CD84: variants seen among roughly 807,000 people sequenced by gnomAD.
CD84 encodes CD84 molecule.
In CD84, 22 loss-of-function variants were observed where a neutral mutation model predicts 33.8. That is an observed-to-expected ratio of 0.65 (90% confidence interval 0.46 to 0.93). The LOEUF is 0.93. CD84 is among the 40% of genes least tolerant of loss of function. CD84 has a pLI of 0.00. For synonymous variants in CD84, 154 were observed against 145.2 expected (o/e 1.06, Z -0.44); for missense variants, 400 against 397.6 (o/e 1.01, Z -0.05).
chr1:160,565,872 C>CTT lies in CD84; in HGVS notation c.47-129_47-128dup, dbSNP rs10629263. On this transcript the variant is annotated intron_variant, in intron 1 of 6. Coordinates refer to ENST00000368054, the MANE Select transcript of CD84 (RefSeq NM_003874.4). Reference sequence around the variant, plus strand: ...AGTTCACCCAGTTTCTTGAGGATGCCTTTTTTTTTTTTTGGCATTCTACTC... The same window carrying CTT: ...AGTTCACCCAGTTTCTTGAGGATGCCTTTTTTTTTTTTTTTGGCATTCTACTC... 7.9e-3 allele frequency: 4,602 copies of CTT among 586,220 alleles called. 143 individuals carry two copies. The African/African-American group carries it at 0.079, about 10-fold the overall frequency. 36.3% of individuals were successfully genotyped at this position (586,220 alleles called of 1,614,324 possible).
chr1:160,576,600 G>A (rs1411847076), intron 1 of CD84, among the ~76,000 whole-genome samples: 1 of 152,110 alleles, frequency 6.6e-6, no homozygotes, highest in African/African-American at 2.4e-5. Context: ...TTAATAGTAG[G>A]GAGAGTAATT....
chr1:160,549,031 C>T (rs553875038), intron 6 of CD84, among the ~76,000 whole-genome samples: 2 of 152,230 alleles, frequency 1.3e-5, no homozygotes, highest in African/African-American at 2.4e-5. Context: ...TCCTCCCCTT[C>T]TTTTTCTTTC....
rs1338319377 is a variant in CD84 at position 160,541,969 on chromosome 1, G to A, written c.*6287C>T. ...TGCCTGAGAGGAGCCATATAGAGAA[G>A]TTGGAATTGACAGGACCTATTCTCT... On this transcript the variant is annotated 3_prime_UTR_variant, in exon 7 of 7. Transcript: ENST00000368054. 1 of 152,238 alleles carries A rather than the reference G, an allele frequency of 6.6e-6. No individual in the cohort carries two copies. Among genetic ancestry groups the A allele is most frequent in the Non-Finnish European group, 1.5e-5 (1 of 68,052 alleles). The allele number at this position is 152,238 out of a possible 1,614,324, so 9.4% of individuals were successfully genotyped here.
At chr1:160,568,206 G>T (rs1657448708) in intron 1 of CD84, among the ~76,000 whole-genome samples, 1 of 152,160 alleles carries the variant, frequency 6.6e-6, no homozygotes, top group African/African-American at 2.4e-5. Flanking sequence ...TAGGTAGATT[G>T]TTAAGGCTGA....
At chr1:160,551,201 A>T in intron 4 of CD84, 166 bp from the exon 5 acceptor site, 1 of 626,364 alleles carries the variant, frequency 1.6e-6, no homozygotes, top group South Asian at 1.7e-5. Context: ...CTCAGGAGTC[A>T]CTTGGCTGAG....
At chr1:160,573,895 G>A (rs1657840138) in intron 1 of CD84, among the ~76,000 whole-genome samples, 1 of 151,956 alleles carries the variant, frequency 6.6e-6, no homozygotes, top group Admixed American at 6.6e-5. Flanking sequence ...ACACCAGCCT[G>A]GGAAACACAA....
intron 2 of CD84, among the ~76,000 whole-genome samples, chr1:160,562,107 G>A (rs1276777544): frequency 6.6e-6 from 1 of 152,186 alleles, no homozygotes; most frequent in Non-Finnish European, 1.5e-5. Flanking sequence ...AACATTCCAT[G>A]CTCATGGATA....
chr1:160,552,547 G>A (rs1656303813), intron 4 of CD84, among the ~76,000 whole-genome samples: 1 of 152,182 alleles, frequency 6.6e-6, no homozygotes, highest in Non-Finnish European at 1.5e-5. Context: ...GAAAATGGAA[G>A]CTTACAATGA....
intron 1 of CD84, among the ~76,000 whole-genome samples, chr1:160,577,183 T>A (rs2102216412): frequency 6.6e-6 from 1 of 152,324 alleles, no homozygotes; most frequent in Non-Finnish European, 1.5e-5. Flanking sequence ...CAGACTTTCC[T>A]TATGTCGGTG....
In CD84 at chr1:160,545,454, G is replaced by A. The variant is rs1655774191; in HGVS notation, c.*2802C>T. ...GAATTCCTCCATCCTTTATGACCAA[G>A]CCTCTTTCCTCCTTCCTGCACGTCT... On this transcript the variant is annotated 3_prime_UTR_variant, in exon 7 of 7. Coordinates refer to ENST00000368054, the MANE Select transcript of CD84 (RefSeq NM_003874.4). 2 of 152,042 alleles carry A rather than the reference G, an allele frequency of 1.3e-5. No homozygotes were observed. Among genetic ancestry groups the A allele is most frequent in the Non-Finnish European group, 2.9e-5 (2 of 68,058 alleles). 9.4% of individuals were successfully genotyped at this position (152,042 alleles called of 1,614,324 possible).
chr1:160,552,707 G>A (rs1436967153), intron 4 of CD84: 18 of 1,546,376 alleles, frequency 1.2e-5, no homozygotes, highest in Non-Finnish European at 1.6e-5. Flanking sequence ...GAACTTACAA[G>A]GGTTCTTAGT....
At position 160,550,920 on chromosome 1, in the gene CD84, T is replaced by A; in HGVS notation, c.858+18A>T. On this transcript the variant is annotated intron_variant, in intron 5 of 6. Coordinates refer to ENST00000368054, the MANE Select transcript of CD84 (RefSeq NM_003874.4). The stretch of plus-strand genomic sequence containing the variant: ...GGAGATGGTGGCACAGGGGTGTCCA[T>A]GAATTGCATCAGCTCACCTTGGACT... 1.2e-6 allele frequency: 2 copies of A among 1,611,102 alleles called. No individual in the cohort carries two copies. Among genetic ancestry groups the A allele is most frequent in the African/African-American group, 2.7e-5 (2 of 74,994 alleles).
chr1:160,562,677 G>A (rs1210336859), intron 2 of CD84, among the ~76,000 whole-genome samples: 1 of 152,074 alleles, frequency 6.6e-6, no homozygotes, highest in Non-Finnish European at 1.5e-5. Context: ...ATTTCATGAT[G>A]AAAATGTCAA....
intron 1 of CD84, among the ~76,000 whole-genome samples, chr1:160,575,325 C>A (rs747999736): frequency 2.0e-5 from 3 of 152,056 alleles, no homozygotes; most frequent in Admixed American, 6.6e-5. Flanking sequence ...CAGGGCTGGG[C>A]AGGCAGAAAT....
intron 1 of CD84, among the ~76,000 whole-genome samples, chr1:160,570,053 T>C (rs7512659): frequency 0.017 from 2,550 of 152,248 alleles, 87 homozygotes; most frequent in African/African-American, 0.058. Flanking sequence ...TTAGGGATAC[T>C]GTAGTCTTCT....
rs10527741 is a variant in CD84 at position 160,543,602 on chromosome 1, T to TTTATTATTATTATTATTATTATTATTA, written c.*4627_*4653dup. On this transcript the variant is annotated 3_prime_UTR_variant, in exon 7 of 7. Transcript: ENST00000368054. Reference sequence around the variant, plus strand: ...ATCTTCAAGGAGCTCTCCATTATTATTTATTATTATTATTATTATTATTAT... The same window carrying TTTATTATTATTATTATTATTATTATTA: ...ATCTTCAAGGAGCTCTCCATTATTATTTATTATTATTATTATTATTATTATTATTATTATTATTATTATTATTATTAT... 1 of 142,702 alleles carries TTTATTATTATTATTATTATTATTATTA rather than the reference T, an allele frequency of 7.0e-6. No individual in the cohort carries two copies. The highest frequency in any genetic ancestry group is 1.5e-5 in the Non-Finnish European group (1 of 65,994). The allele number at this position is 142,702 out of a possible 1,614,324, so 8.8% of individuals were successfully genotyped here.
chr1:160,551,710 A>G (rs1007562753), intron 4 of CD84, among the ~76,000 whole-genome samples: 1 of 152,002 alleles, frequency 6.6e-6, no homozygotes, highest in African/African-American at 2.4e-5. Flanking sequence ...CACCCAGCAA[A>G]TTTTTTGTAT....
In CD84 at chr1:160,553,457, C is replaced by T. The variant is rs1656380451; in HGVS notation, c.681G>A (p.Leu227=). 1.2e-6 allele frequency: 2 copies of T among 1,614,130 alleles called. No homozygotes were observed. The highest frequency in any genetic ancestry group is 1.7e-6 in the Non-Finnish European group (2 of 1,180,022). ...GCAGAAAGAACATAGCCAGCACGCT[C>T]AGCAACCCGGTGTGGTGAGTACGGA... ...MGFRTHHTGL[L]SVLAMFFLLV... is the part of the protein sequence containing the mutation. The change falls in exon 4 of 7, where the codon CTG becomes CTA. Residue 227 remains leucine, a synonymous_variant. Coordinates refer to ENST00000368054, the MANE Select transcript of CD84 (RefSeq NM_003874.4).
chr1:160,577,303 A>G (rs1658040048), intron 1 of CD84, among the ~76,000 whole-genome samples: 1 of 152,096 alleles, frequency 6.6e-6, no homozygotes, highest in African/African-American at 2.4e-5. Flanking sequence ...CCTAAGCCCA[A>G]TACTGAATGT....
Sources: allele counts gnomAD v4.1 joint callset (sites outside exome capture counted in the v4.1 genomes callset), GRCh38; gene constraint gnomAD v4.1.1; transcripts MANE v1.5; gene names NCBI Gene and HGNC (gene_info 2026-07-23, HGNC 2026-07-21).